The following F5 variants were observed in gnomAD, a reference collection of about 807,000 sequenced individuals.
F5 encodes coagulation factor V, also known as activated protein c cofactor.
Under a neutral mutation model 216.4 loss-of-function variants are expected in F5, and 138 were observed. That is an observed-to-expected ratio of 0.64 (90% confidence interval 0.56 to 0.73). F5 has a LOEUF of 0.73. Among genes scored for constraint, F5 ranks in the 30% least tolerant of loss-of-function variants. F5 has a pLI of 0.00. For synonymous variants in F5, 916 were observed against 930.7 expected (o/e 0.98, Z 0.29); for missense variants, 2,403 against 2,674.0 (o/e 0.90, Z 2.24).
At chr1:169,543,426 G>C in intron 12 of F5, among the ~76,000 whole-genome samples, 1 of 151,380 alleles carries the variant, frequency 6.6e-6, no homozygotes, top group East Asian at 1.9e-4. Flanking sequence ...GCTTAGTGGA[G>C]ATTAGAGGGG....
In F5 at chr1:169,518,400, A is replaced by G; in HGVS notation, c.6345+12T>C. The G allele has an allele frequency of 3.7e-6, 6 of 1,613,490 alleles. No individual in the cohort carries two copies. The highest frequency in any genetic ancestry group is 5.1e-6 in the Non-Finnish European group (6 of 1,179,624). On this transcript the variant is annotated intron_variant, in intron 23 of 24. Transcript: ENST00000367797. The stretch of plus-strand genomic sequence containing the variant: ...AGCCCTAAGAGAACACCATGCATAG[A>G]GTATACTTGACCTTGGCTTGCCAGG...
intron 11 of F5, among the ~76,000 whole-genome samples, chr1:169,545,124 A>G (rs1402467241): frequency 6.6e-6 from 1 of 152,164 alleles, no homozygotes; most frequent in Non-Finnish European, 1.5e-5. Flanking sequence ...CTCGATTACC[A>G]CTCTTAGCCT....
Position 169,513,791 on chromosome 1 carries a change from T to G in F5, c.*522A>C, listed in dbSNP as rs1659089548. Reference sequence around the variant, plus strand: ...TACTGGAAAGATGCTTGGCTGTTTTTTTACTCATGGAAAGTCAGAAAAATC... The same window carrying G: ...TACTGGAAAGATGCTTGGCTGTTTTGTTACTCATGGAAAGTCAGAAAAATC... On this transcript the variant is annotated 3_prime_UTR_variant, in exon 25 of 25. Coordinates refer to ENST00000367797, the MANE Select transcript of F5 (RefSeq NM_000130.5). Among the ~76,000 whole-genome samples the G allele has an allele frequency of 6.6e-6, 1 of 152,116 alleles. No individual in the cohort carries two copies. The highest frequency in any genetic ancestry group is 1.5e-5 in the Non-Finnish European group (1 of 68,000).
Position 169,529,703 on chromosome 1 carries a change from G to T in F5, c.5324C>A (p.Thr1775Asn), listed in dbSNP as rs1472089416. The T allele has an allele frequency of 2.5e-6, 4 of 1,613,762 alleles. No homozygotes were observed. Among genetic ancestry groups the T allele is most frequent in the Non-Finnish European group, 3.4e-6 (4 of 1,179,782 alleles). Residue 1775 changes from threonine to asparagine, a missense_variant, in exon 16 of 25, where the codon ACC becomes AAC. By Grantham distance (65) the Thr-to-Asn change is moderately conservative. Around this residue, in one of 4 missense-constraint regions of F5, gnomAD observed 659 missense variants for 787.9 expected, o/e 0.84. Coordinates refer to ENST00000367797, the MANE Select transcript of F5 (RefSeq NM_000130.5). ...DMREFVLLFM[T>N]FDEKKSWYYE... ...GTACCAGCTCTTCTTTTCATCAAAG[G>T]TCATAAATAGTAAGACAAATTCTCT...
chr1:169,550,795 A>G (rs1660150355), intron 8 of F5, 56 bp from the exon 9 acceptor site: 1 of 1,273,396 alleles, frequency 7.9e-7, no homozygotes, highest in Admixed American at 1.7e-5. Flanking sequence ...GACAAATAAT[A>G]TAAGATACTA....
rs1305996873 is a variant in F5 at position 169,556,856 on chromosome 1, A to T, written c.742T>A (p.Cys248Ser). Residue 248 changes from cysteine to serine, a missense_variant, in exon 6 of 25, where the codon TGT becomes AGT. Transcript: ENST00000367797. ...VNGTMPDITV[C>S]AHDHISWHLL... ...TGCCAGCTGATGTGGTCATGGGCAC[A>T]AACTGTTATATCTGAGAAAGAGGGA... is the stretch of plus-strand genomic sequence containing the variant. 6.2e-7 allele frequency: 1 copy of T among 1,613,868 alleles called. No homozygotes were observed. The highest frequency in any genetic ancestry group is 8.5e-7 in the Non-Finnish European group (1 of 1,179,966).
intron 18 of F5, 123 bp downstream of exon 18, chr1:169,525,778 T>C: frequency 1.3e-6 from 1 of 786,994 alleles, no homozygotes; most frequent in Non-Finnish European, 2.3e-6. Context: ...CAATTATGGC[T>C]ACAAATTATG....
At chr1:169,515,320 C>G in intron 24 of F5, 124 bp downstream of exon 24, 1 of 1,218,042 alleles carries the variant, frequency 8.2e-7, no homozygotes, top group Non-Finnish European at 1.2e-6. Context: ...ACCTTAAGAA[C>G]TAAGATTTAG....
intron 2 of F5, among the ~76,000 whole-genome samples, chr1:169,578,719 ACT>A (rs990076217): frequency 6.6e-6 from 1 of 152,062 alleles, no homozygotes; most frequent in Non-Finnish European, 1.5e-5. Context: ...AAATGAATAG[ACT>A]CTGTGATATA....
chr1:169,542,293 G>A lies in F5; in HGVS notation c.2797C>T (p.Leu933Phe). ...TTAGATGAGTTACTTTGTTTTAAGA[G>A]TAACAGATCACTAGGAGGGTCCTTC... The part of the protein sequence containing the change: ...PWKDPPSDLL[L>F]LKQSNSSKIL... Residue 933 changes from leucine to phenylalanine, a missense_variant, in exon 13 of 25, where the codon CTC becomes TTC. By Grantham distance (22) the Leu-to-Phe change is conservative (BLOSUM62 0). Transcript: ENST00000367797. 2 of 1,614,090 alleles carry A rather than the reference G, an allele frequency of 1.2e-6. No homozygotes were observed. The highest frequency in any genetic ancestry group is 1.7e-6 in the Non-Finnish European group (2 of 1,179,994).
rs1455028480 is a variant in F5, at chr1:169,513,854, ATTTCATTTGATAATATTGTT to A, written c.*439_*458del. Among the ~76,000 whole-genome samples, 3 of 152,094 alleles carry A rather than the reference ATTTCATTTGATAATATTGTT, an allele frequency of 2.0e-5. No individual in the cohort carries two copies. The highest frequency in any genetic ancestry group is 4.4e-5 in the Non-Finnish European group (3 of 68,000). On this transcript the variant is annotated 3_prime_UTR_variant, in exon 25 of 25. Transcript: ENST00000367797. ...GAAAGACAGGATATTTTAAGTACTT[ATTTCATTTGATAATATTGTT>A]TTTCTCTTCACTCAAGAAAAACCAT... is the stretch of plus-strand genomic sequence containing the variant.
At chr1:169,573,831 G>A (rs902862268) in intron 2 of F5, among the ~76,000 whole-genome samples, 3 of 152,216 alleles carry the variant, frequency 2.0e-5, no homozygotes, top group Admixed American at 6.5e-5. Flanking sequence ...AGAGGATGAA[G>A]CACAAATTCT....
intron 4 of F5, among the ~76,000 whole-genome samples, chr1:169,560,206 T>C (rs1441116301): frequency 1.3e-5 from 2 of 152,140 alleles, no homozygotes; most frequent in Non-Finnish European, 2.9e-5. Flanking sequence ...TTCCAAGAGC[T>C]CTTTCAGCAG....
At chr1:169,527,012 G>A (rs930502810) in intron 17 of F5, among the ~76,000 whole-genome samples, 1 of 151,902 alleles carries the variant, frequency 6.6e-6, no homozygotes, top group Non-Finnish European at 1.5e-5. Flanking sequence ...TTGGACTTCT[G>A]TGCCTGCATC....
intron 8 of F5, among the ~76,000 whole-genome samples, chr1:169,552,028 T>C (rs9332584): frequency 0.014 from 2,140 of 152,348 alleles, 21 homozygotes; most frequent in Non-Finnish European, 0.021. Context: ...ACTTTTAATC[T>C]ATTATTTTAT....
At position 169,556,782 on chromosome 1, in the gene F5, G is replaced by C; in HGVS notation, c.816C>G (p.Asn272Lys). 6.2e-7 allele frequency: 1 copy of C among 1,614,088 alleles called. No individual in the cohort carries two copies. Among genetic ancestry groups the C allele is most frequent in the Non-Finnish European group, 8.5e-7 (1 of 1,180,010 alleles). Reference sequence around the variant, plus strand: ...GATGGTTCTGCTCCAGGACCTGGCCGTTGAAATGAATGGAGAATAATTCTG... The same window carrying C: ...GATGGTTCTGCTCCAGGACCTGGCCCTTGAAATGAATGGAGAATAATTCTG... ...SGPELFSIHF[N>K]GQVLEQNHHK... The change falls in exon 6 of 25, where the codon AAC becomes AAG. Residue 272 changes from asparagine to lysine, a missense_variant. Around this residue, in one of 4 missense-constraint regions of F5, gnomAD observed 1,425 missense variants for 1,554.8 expected, o/e 0.92. Transcript: ENST00000367797.
intron 18 of F5, 137 bp from the exon 19 acceptor site, chr1:169,525,045 T>C: frequency 1.5e-6 from 1 of 676,718 alleles, no homozygotes; most frequent in South Asian, 1.8e-5. Flanking sequence ...CTGACTTAAA[T>C]ATATCTGATT....
At position 169,528,060 on chromosome 1, in the gene F5, C is replaced by T. The variant is rs145637633; in HGVS notation, c.5454G>A (p.Leu1818=). The change falls in exon 17 of 25, where the codon CTG becomes CTA. Residue 1818 remains leucine (L), a synonymous_variant. Coordinates refer to ENST00000367797, the MANE Select transcript of F5 (RefSeq NM_000130.5). ...INGMIYSLPG[L]KMYEQEWVRL... is the part of the protein sequence containing the mutation. ...TCACCCACTCTTGCTCATACATTTT[C>T]AGGCCAGGCAAGCTGTAGATCATCC... The T allele has an allele frequency of 4.2e-5, 67 of 1,613,834 alleles. No individual in the cohort carries two copies. Among genetic ancestry groups the T allele is most frequent in the Non-Finnish European group, 5.5e-5 (65 of 1,179,860 alleles).
At chr1:169,550,415 C>T (rs960892033) in intron 9 of F5, among the ~76,000 whole-genome samples, 5 of 151,794 alleles carry the variant, frequency 3.3e-5, no homozygotes, top group African/African-American at 1.2e-4. Context: ...TTAGATAATG[C>T]TCCACTAGAG....
Sources: gnomAD v4.1 joint callset for allele counts (sites outside exome capture counted in the v4.1 genomes callset) on GRCh38, gnomAD v4.1.1 for gene constraint, gnomAD v4.1.1 regional missense constraint, MANE v1.5 for transcripts, NCBI Gene and HGNC (gene_info 2026-07-23, HGNC 2026-07-21) for gene names.